CFAP61: variants seen among roughly 807,000 people sequenced by gnomAD.
CFAP61 encodes the protein cilia- and flagella-associated protein 61.
A neutral mutation model predicts 135.6 loss-of-function variants in CFAP61; 107 were observed. The ratio of observed to expected loss-of-function variants is 0.79; its 90% CI spans 0.67 to 0.93. The LOEUF (loss-of-function observed/expected upper bound fraction) is 0.93. CFAP61 is among the 40% of genes least tolerant of loss of function. CFAP61 has a pLI of 0.00. For missense variants in CFAP61, 1,507 were observed against 1,556.2 expected (o/e 0.97, Z 0.53); for synonymous variants, 575 against 578.5 (o/e 0.99, Z 0.09).
intron 21 of CFAP61, among the ~76,000 whole-genome samples, chr20:20,273,676 G>C (rs1042792691): frequency 1.3e-5 from 2 of 152,222 alleles, no homozygotes; most frequent in African/African-American, 2.4e-5. Context: ...CACTGTGCTA[G>C]GCTCCAGGGA....
chr20:20,066,130 C>G (rs976191998), intron 2 of CFAP61, among the ~76,000 whole-genome samples: 6 of 152,244 alleles, frequency 3.9e-5, no homozygotes, highest in Non-Finnish European at 7.4e-5. Context: ...CAATGAGATA[C>G]CATCTCATGT....
chr20:20,146,574 T>C (rs1231916039), intron 9 of CFAP61, among the ~76,000 whole-genome samples: 2 of 152,210 alleles, frequency 1.3e-5, no homozygotes, highest in African/African-American at 4.8e-5. Flanking sequence ...TTTTCTGTGG[T>C]GAGAACTAGC....
chr20:20,206,616 A>G (rs939655852), intron 17 of CFAP61, among the ~76,000 whole-genome samples: 2 of 152,146 alleles, frequency 1.3e-5, no homozygotes, highest in Non-Finnish European at 2.9e-5. Context: ...ATTGTTGACT[A>G]TCCTATTGTG....
At chr20:20,208,531 C>T (rs1250145862) in intron 17 of CFAP61, among the ~76,000 whole-genome samples, 1 of 152,222 alleles carries the variant, frequency 6.6e-6, no homozygotes, top group East Asian at 1.9e-4. Context: ...GTGCCCCTTC[C>T]ACTTAGCATC....
At chr20:20,312,887 A>G (rs1330790039) in intron 25 of CFAP61, among the ~76,000 whole-genome samples, 1 of 152,186 alleles carries the variant, frequency 6.6e-6, no homozygotes, top group Non-Finnish European at 1.5e-5. Context: ...ATACCCCCCC[A>G]TATTACATAC....
chr20:20,194,672 C>T lies in CFAP61; in HGVS notation c.1591-1898C>T, dbSNP rs571951074. Among the ~76,000 whole-genome samples the T allele has an allele frequency of 2.0e-5, 3 of 152,298 alleles. No individual in the cohort carries two copies. In the East Asian group the frequency reaches 5.8e-4, roughly 29 times the overall value. ...TGTATGTTTCTCCATGGCATCTCCC[C>T]TGTCACTGGTAATGCCACCGCCCCT... On this transcript the variant is annotated intron_variant, in intron 15 of 26. Transcript: ENST00000245957.
At chr20:20,136,366 CTT>C (rs1448659777) in intron 8 of CFAP61, among the ~76,000 whole-genome samples, 4 of 152,066 alleles carry the variant, frequency 2.6e-5, no homozygotes, top group Non-Finnish European at 5.9e-5. Context: ...GGCAATAACT[CTT>C]AGATTTTTCC....
At chr20:20,169,282 T>A (rs1302185698) in intron 12 of CFAP61, 39 bp from the exon 13 acceptor site, 3 of 1,566,780 alleles carry the variant, frequency 1.9e-6, no homozygotes, top group Non-Finnish European at 2.6e-6. Flanking sequence ...ATTAATTTTT[T>A]TTATTCTTTC....
intron 11 of CFAP61, 69 bp downstream of exon 11, chr20:20,164,297 A>T (rs2053644853): frequency 2.7e-6 from 4 of 1,469,250 alleles, no homozygotes; most frequent in Non-Finnish European, 3.7e-6. Flanking sequence ...CCAACATTTT[A>T]ACTTTACAGA....
intron 7 of CFAP61, among the ~76,000 whole-genome samples, chr20:20,095,869 G>A (rs1475718237): frequency 6.6e-6 from 1 of 152,132 alleles, no homozygotes; most frequent in Non-Finnish European, 1.5e-5. Context: ...GTGGCTGTAG[G>A]GCTTTTTGGA....
chr20:20,298,113 T>A, intron 24 of CFAP61, 68 bp from the exon 25 acceptor site: 1 of 1,041,120 alleles, frequency 9.6e-7, no homozygotes, highest in Non-Finnish European at 1.5e-6. Context: ...AATAAATTGC[T>A]ATGATAAAGT....
chr20:20,180,816 T>A lies in CFAP61; in HGVS notation c.1386-7114T>A, dbSNP rs560311656. ...GTGGTACAGATACACCATGGAATAC[T>A]ATGCAGCCATAAAAAAGAATGAGAT... On this transcript the variant is annotated intron_variant, in intron 13 of 26. Coordinates refer to ENST00000245957, the MANE Select transcript of CFAP61 (RefSeq NM_015585.4). Among the ~76,000 whole-genome samples, 254 of 152,300 alleles carry A rather than the reference T, an allele frequency of 1.7e-3. 3 individuals carry two copies. Among genetic ancestry groups the A allele is most frequent in the Admixed American group, 4.6e-3 (71 of 15,304 alleles).
chr20:20,171,829 G>T (rs749996363), intron 13 of CFAP61: 2 of 696,786 alleles, frequency 2.9e-6, no homozygotes, highest in South Asian at 1.6e-5. Flanking sequence ...GTGTCAAAGG[G>T]CTCTGTGGCA....
chr20:20,350,835 C>G (rs2058809773), intron 26 of CFAP61, among the ~76,000 whole-genome samples: 1 of 152,168 alleles, frequency 6.6e-6, no homozygotes, highest in African/African-American at 2.4e-5. Flanking sequence ...GGTACTGATA[C>G]AAAGCACATG....
intron 25 of CFAP61, among the ~76,000 whole-genome samples, chr20:20,335,107 CATGTAGGA>C (rs2058133085): frequency 1.3e-5 from 2 of 152,156 alleles, no homozygotes; most frequent in Admixed American, 6.5e-5. Context: ...CAGATGGGAA[CATGTAGGA>C]CTCTGAGGAT....
intron 21 of CFAP61, among the ~76,000 whole-genome samples, chr20:20,271,424 T>A (rs560843700): frequency 6.6e-6 from 1 of 152,348 alleles, no homozygotes; most frequent in Non-Finnish European, 1.5e-5. Flanking sequence ...GCATCATCAC[T>A]TTCCGTCTCT....
At chr20:20,163,780 C>A (rs916912071) in intron 10 of CFAP61, among the ~76,000 whole-genome samples, 2 of 151,446 alleles carry the variant, frequency 1.3e-5, no homozygotes, top group Non-Finnish European at 2.9e-5. Context: ...TTCCCCCCGA[C>A]CCCCCTGACA....
chr20:20,304,716 G>A (rs112109205), intron 25 of CFAP61, among the ~76,000 whole-genome samples: 107 of 152,126 alleles, frequency 7.0e-4, no homozygotes, highest in African/African-American at 2.4e-3. Context: ...GACACCGGGC[G>A]CGAAAGGACC....
intron 9 of CFAP61, among the ~76,000 whole-genome samples, chr20:20,147,921 T>C (rs940560894): frequency 6.6e-6 from 1 of 152,216 alleles, no homozygotes; most frequent in East Asian, 1.9e-4. Context: ...TTATGTTGAT[T>C]TTTGCATAAG....
Sources: gnomAD v4.1 joint callset for allele counts (sites outside exome capture counted in the v4.1 genomes callset) on GRCh38, gnomAD v4.1.1 for gene constraint, MANE v1.5 for transcripts, NCBI Gene and HGNC (gene_info 2026-07-23, HGNC 2026-07-21) for gene names.